Variants in SPATS2 observed in about 807,000 individuals in gnomAD.
SPATS2 encodes the protein spermatogenesis-associated serine-rich protein 2.
A neutral mutation model predicts 63.7 loss-of-function variants in SPATS2; 38 were observed. That is an observed-to-expected ratio of 0.60 (90% CI 0.46 to 0.78). SPATS2 has a LOEUF of 0.78. SPATS2 is among the 30% of genes least tolerant of loss of function. The probability of loss-of-function intolerance (pLI) is 0.00; values close to 1 mark genes in which losing one functional copy is unlikely to be tolerated. For synonymous variants in SPATS2, 207 were observed against 232.9 expected (o/e 0.89, Z 1.01); for missense variants, 588 against 666.2 (o/e 0.88, Z 1.29).
chr12:49,424,723 C>G (rs1945041731), intron 2 of SPATS2, among the ~76,000 whole-genome samples: 1 of 152,150 alleles, frequency 6.6e-6, no homozygotes. Flanking sequence ...TTTGCCCAGC[C>G]TGGAGTGAAG....
intron 2 of SPATS2, among the ~76,000 whole-genome samples, chr12:49,434,851 A>T (rs1182661712): frequency 6.6e-6 from 1 of 152,178 alleles, no homozygotes; most frequent in Non-Finnish European, 1.5e-5. Flanking sequence ...TAACAAATTT[A>T]TATAAAAACC....
At chr12:49,378,545 C>T (rs1939640971) in intron 2 of SPATS2, among the ~76,000 whole-genome samples, 1 of 152,172 alleles carries the variant, frequency 6.6e-6, no homozygotes, top group South Asian at 2.1e-4. Flanking sequence ...GATCTGCCCG[C>T]CTTGGCCTCC....
intron 2 of SPATS2, among the ~76,000 whole-genome samples, chr12:49,457,211 G>A (rs1025425865): frequency 1.3e-5 from 2 of 152,046 alleles, no homozygotes; most frequent in African/African-American, 4.8e-5. Context: ...TTCTTCATCT[G>A]TTGCATGGAA....
intron 2 of SPATS2, among the ~76,000 whole-genome samples, chr12:49,391,254 C>T (rs1320284782): frequency 6.6e-6 from 1 of 152,204 alleles, no homozygotes; most frequent in Non-Finnish European, 1.5e-5. Flanking sequence ...TGGCTCACGC[C>T]TGTAATCCCA....
chr12:49,386,859 G>A (rs1289511296), intron 2 of SPATS2, among the ~76,000 whole-genome samples: 2 of 152,098 alleles, frequency 1.3e-5, no homozygotes, highest in Admixed American at 6.6e-5. Flanking sequence ...TGGGATGAGT[G>A]GGTAAAGGAC....
chr12:49,438,627 T>G (rs998642390), intron 2 of SPATS2, among the ~76,000 whole-genome samples: 9 of 152,248 alleles, frequency 5.9e-5, no homozygotes, highest in African/African-American at 9.6e-5. Flanking sequence ...TAGCCTTTCC[T>G]GTGTGTGTTT....
intron 2 of SPATS2, among the ~76,000 whole-genome samples, chr12:49,423,292 C>T (rs1278402322): frequency 1.3e-5 from 2 of 152,014 alleles, no homozygotes; most frequent in African/African-American, 4.8e-5. Context: ...ACCACCACAC[C>T]AGATAATTTT....
At chr12:49,486,192 T>C (rs1349533952) in intron 4 of SPATS2, 1 of 452,398 alleles carries the variant, frequency 2.2e-6, no homozygotes, top group Non-Finnish European at 4.4e-6. Flanking sequence ...CCTTTTGTTG[T>C]TGTTGTTGTT....
Position 49,526,265 on chromosome 12 carries a change from C to G in SPATS2, c.*10C>G. On this transcript the variant is annotated 3_prime_UTR_variant, in exon 14 of 14. Coordinates refer to ENST00000552918, the MANE Select transcript of SPATS2 (RefSeq NM_023071.4). ...AGCCGTGAACTCTTGAGAGAAAATCCAGTTGGCCTCTCTCCTCTATCCACA... is the reference window on the plus strand; with the variant it reads ...AGCCGTGAACTCTTGAGAGAAAATCGAGTTGGCCTCTCTCCTCTATCCACA... 1 of 1,594,452 alleles carries G rather than the reference C, an allele frequency of 6.3e-7. No homozygotes were observed. The highest frequency in any genetic ancestry group is 8.5e-7 in the Non-Finnish European group (1 of 1,170,436).
At chr12:49,372,291 C>T (rs1348187562) in intron 2 of SPATS2, among the ~76,000 whole-genome samples, 3 of 152,092 alleles carry the variant, frequency 2.0e-5, no homozygotes, top group Admixed American at 6.6e-5. Flanking sequence ...GTGATCCACC[C>T]GCCTCAGCCT....
chr12:49,407,705 C>G (rs1944720906), intron 2 of SPATS2, among the ~76,000 whole-genome samples: 1 of 152,090 alleles, frequency 6.6e-6, no homozygotes, highest in South Asian at 2.1e-4. Context: ...CTGATAGGCT[C>G]TGTGTGTATT....
At chr12:49,452,665 A>G (rs1181664876) in intron 2 of SPATS2, among the ~76,000 whole-genome samples, 1 of 143,534 alleles carries the variant, frequency 7.0e-6, no homozygotes, top group South Asian at 2.2e-4. Flanking sequence ...TTTTTCTTCC[A>G]CTCTAGTATT....
At chr12:49,417,283 A>G (rs1048767483) in intron 2 of SPATS2, among the ~76,000 whole-genome samples, 4 of 152,258 alleles carry the variant, frequency 2.6e-5, no homozygotes, top group Non-Finnish European at 1.5e-5. Context: ...CATCTTTGCA[A>G]GGGTTAAAGA....
intron 2 of SPATS2, among the ~76,000 whole-genome samples, chr12:49,448,806 T>C (rs994674425): frequency 1.3e-5 from 2 of 152,146 alleles, no homozygotes; most frequent in African/African-American, 4.8e-5. Context: ...TATTGAATTC[T>C]GTTGTTGTTG....
At chr12:49,401,077 A>G (rs901738331) in intron 2 of SPATS2, among the ~76,000 whole-genome samples, 3 of 151,898 alleles carry the variant, frequency 2.0e-5, no homozygotes, top group Admixed American at 6.6e-5. Context: ...AAGTCTTACT[A>G]TGTTGCCCAG....
chr12:49,494,523 A>G (rs1046898276), intron 6 of SPATS2, among the ~76,000 whole-genome samples: 2 of 152,062 alleles, frequency 1.3e-5, no homozygotes, highest in South Asian at 2.1e-4. Flanking sequence ...GAAATGTTTT[A>G]TATTTATGTG....
At chr12:49,477,178 T>C (rs1946132991) in intron 3 of SPATS2, among the ~76,000 whole-genome samples, 1 of 151,812 alleles carries the variant, frequency 6.6e-6, no homozygotes, top group African/African-American at 2.4e-5. Flanking sequence ...ACTCAGGAAA[T>C]CTATGAGGGA....
intron 2 of SPATS2, among the ~76,000 whole-genome samples, chr12:49,433,087 C>G (rs1945213958): frequency 6.6e-6 from 1 of 152,110 alleles, no homozygotes; most frequent in Non-Finnish European, 1.5e-5. Flanking sequence ...ATTTTATTTT[C>G]TGTTTTTGTT....
At chr12:49,412,950 A>G (rs1471460014) in intron 2 of SPATS2, among the ~76,000 whole-genome samples, 4 of 152,154 alleles carry the variant, frequency 2.6e-5, no homozygotes, top group Admixed American at 2.6e-4. Context: ...GGGAAAGAAG[A>G]AGGAACTGAG....
Sources: allele counts gnomAD v4.1 joint callset (sites outside exome capture counted in the v4.1 genomes callset), GRCh38; gene constraint gnomAD v4.1.1; transcripts MANE v1.5; gene names NCBI Gene and HGNC (gene_info 2026-07-23, HGNC 2026-07-21).